KLHL1: variants seen among roughly 807,000 people sequenced by gnomAD.
KLHL1 encodes the protein kelch-like protein 1.
A neutral mutation model predicts 77.7 loss-of-function variants in KLHL1; 47 were observed. That is an observed-to-expected ratio of 0.60 (90% CI 0.48 to 0.77). The LOEUF is 0.77. Ranked by LOEUF, KLHL1 falls within the 30% of genes least tolerant of loss-of-function variation. The probability of loss-of-function intolerance (pLI) is 0.00; values close to 1 mark genes in which losing one functional copy is unlikely to be tolerated. For synonymous variants in KLHL1, 360 were observed against 325.2 expected (o/e 1.11, Z -1.15); for missense variants, 925 against 910.8 (o/e 1.02, Z -0.20).
At chr13:70,086,872 C>T (rs1432331889) in intron 1 of KLHL1, among the ~76,000 whole-genome samples, 2 of 152,012 alleles carry the variant, frequency 1.3e-5, no homozygotes, top group African/African-American at 4.8e-5. Context: ...ACACCAGTGT[C>T]AGCAGGTGTC....
intron 1 of KLHL1, among the ~76,000 whole-genome samples, chr13:70,045,328 C>T (rs954840505): frequency 2.0e-5 from 3 of 152,136 alleles, no homozygotes; most frequent in Admixed American, 6.5e-5. Flanking sequence ...TTTTGCTGTA[C>T]AGTTTCTCAA....
At chr13:69,784,335 T>C (rs1474997441) in intron 7 of KLHL1, among the ~76,000 whole-genome samples, 1 of 150,036 alleles carries the variant, frequency 6.7e-6, no homozygotes, top group East Asian at 1.9e-4. Flanking sequence ...CACATAACAA[T>C]GTTAACTTTA....
chr13:69,915,533 T>C (rs1241007803), intron 4 of KLHL1, among the ~76,000 whole-genome samples: 5 of 152,208 alleles, frequency 3.3e-5, no homozygotes, highest in Non-Finnish European at 7.3e-5. Context: ...GAAAACCGGC[T>C]AGCCATATGT....
At chr13:69,763,014 G>C (rs1566224510) in intron 7 of KLHL1, among the ~76,000 whole-genome samples, 1 of 152,036 alleles carries the variant, frequency 6.6e-6, no homozygotes, top group Non-Finnish European at 1.5e-5. Flanking sequence ...GAAATTGCCA[G>C]GAAACATTTA....
chr13:70,002,270 A>G (rs1020382548), intron 1 of KLHL1, among the ~76,000 whole-genome samples: 16 of 151,662 alleles, frequency 1.1e-4, no homozygotes, highest in African/African-American at 3.9e-4. Context: ...CGCATGTTTG[A>G]ACAGCAGACA....
At chr13:69,719,319 A>C in intron 9 of KLHL1, 50 bp downstream of exon 9, 3 of 1,504,834 alleles carry the variant, frequency 2.0e-6, no homozygotes, top group Non-Finnish European at 2.8e-6. Flanking sequence ...TCAGGCATCA[A>C]TGTGATTTGC....
intron 7 of KLHL1, among the ~76,000 whole-genome samples, chr13:69,790,935 G>C (rs1876841349): frequency 6.6e-6 from 1 of 151,924 alleles, no homozygotes; most frequent in South Asian, 2.1e-4. Context: ...GGAATATAAG[G>C]GACCTTTCTC....
chr13:69,707,796 T>C lies in KLHL1; in HGVS notation c.2016A>G (p.Arg672=), dbSNP rs1221562445. The C allele has an allele frequency of 6.2e-7, 1 of 1,611,692 alleles. No individual in the cohort carries two copies. The highest frequency in any genetic ancestry group is 8.5e-7 in the Non-Finnish European group (1 of 1,178,544). ...TCCAAGTGTCTGTTTTGGGATCATA[T>C]CTAAAATTCAATGACAATAGTACAT... ...HCSRLLDYVE[R]YDPKTDTWTM... The change falls in exon 10 of 11, where the codon AGA becomes AGG. Residue 672 remains arginine (R), a splice_region_variant and synonymous_variant. Coordinates refer to ENST00000377844, the MANE Select transcript of KLHL1 (RefSeq NM_020866.3).
At chr13:70,018,549 G>A (rs1885714575) in intron 1 of KLHL1, among the ~76,000 whole-genome samples, 1 of 152,204 alleles carries the variant, frequency 6.6e-6, no homozygotes, top group Admixed American at 6.5e-5. Flanking sequence ...TGAAGTTTAG[G>A]GCCTAGGTGA....
At chr13:69,796,274 T>C (rs143224324) in intron 7 of KLHL1, among the ~76,000 whole-genome samples, 27 of 152,280 alleles carry the variant, frequency 1.8e-4, no homozygotes, top group African/African-American at 6.3e-4. Flanking sequence ...AGTTTGGATG[T>C]TTGTCCCCCC....
Position 69,961,346 on chromosome 13 carries a change from G to A in KLHL1, c.779C>T (p.Pro260Leu), listed in dbSNP as rs778645985. The change falls in exon 3 of 11, where the codon CCC becomes CTC. Residue 260 changes from proline (P) to leucine (L), a missense_variant. Transcript: ENST00000377844. ...TTGGACAAGGTCCCAGAGAGCATTG[G>A]GGTCTATGCCTTCCATTTTGATCTC... ...QEEIKMEGID[P>L]NALWDLVQFA... 2 of 1,612,834 alleles carry A rather than the reference G, an allele frequency of 1.2e-6. No individual in the cohort carries two copies. The highest frequency in any genetic ancestry group is 1.7e-6 in the Non-Finnish European group (2 of 1,179,224).
At chr13:70,104,238 T>C (rs1284743929) in intron 1 of KLHL1, among the ~76,000 whole-genome samples, 2 of 152,138 alleles carry the variant, frequency 1.3e-5, no homozygotes, top group Non-Finnish European at 2.9e-5. Context: ...TGAACTATTA[T>C]AGGAAAAGTA....
chr13:69,805,907 G>T (rs1877597240), intron 6 of KLHL1, among the ~76,000 whole-genome samples: 1 of 151,820 alleles, frequency 6.6e-6, no homozygotes, highest in South Asian at 2.1e-4. Flanking sequence ...ATACTAGGAA[G>T]TAAATTATTT....
At chr13:69,800,005 G>A (rs1174965343) in intron 6 of KLHL1, among the ~76,000 whole-genome samples, 2 of 152,132 alleles carry the variant, frequency 1.3e-5, no homozygotes, top group South Asian at 4.1e-4. Flanking sequence ...ACCTGAGGTG[G>A]AACAATTTCA....
At chr13:69,940,304 C>T in intron 3 of KLHL1, 68 bp from the exon 4 acceptor site, 1 of 1,208,644 alleles carries the variant, frequency 8.3e-7, no homozygotes, top group Non-Finnish European at 1.1e-6. Flanking sequence ...CATAACACTA[C>T]ACAAAACATT....
intron 3 of KLHL1, among the ~76,000 whole-genome samples, chr13:69,947,065 TGTGTGTGTGAA>T (rs1718874007): frequency 8.8e-6 from 1 of 114,140 alleles, no homozygotes; most frequent in Non-Finnish European, 1.9e-5. Context: ...TGTGTGTGTG[TGTGTGTGTGAA>T]GATCTTCTTC....
At chr13:69,951,135 C>T (rs1883694780) in intron 3 of KLHL1, among the ~76,000 whole-genome samples, 1 of 151,494 alleles carries the variant, frequency 6.6e-6, no homozygotes, top group African/African-American at 2.4e-5. Flanking sequence ...TATGTCATTT[C>T]TATGAATACA....
chr13:69,821,702 A>C (rs1418553606), intron 6 of KLHL1, among the ~76,000 whole-genome samples: 1 of 152,154 alleles, frequency 6.6e-6, no homozygotes, highest in Admixed American at 6.5e-5. Flanking sequence ...GATTTAACTT[A>C]TCAAAGTGGC....
At chr13:69,796,695 A>G in intron 7 of KLHL1, 43 bp downstream of exon 7, 1 of 1,345,920 alleles carries the variant, frequency 7.4e-7, no homozygotes, top group Non-Finnish European at 1.1e-6. Context: ...TACATTATCA[A>G]TAACATGTTT....
Sources: allele counts gnomAD v4.1 joint callset (sites outside exome capture counted in the v4.1 genomes callset), GRCh38; gene constraint gnomAD v4.1.1; transcripts MANE v1.5; gene names NCBI Gene and HGNC (gene_info 2026-07-23, HGNC 2026-07-21).